Variants in PECAM1 observed in about 807,000 individuals in gnomAD.
PECAM1 encodes platelet and endothelial cell adhesion molecule 1, also known as platelet endothelial cell adhesion molecule.
PECAM1 carries 8 observed loss-of-function variants against 13.8 expected under a neutral mutation model. The observed-to-expected ratio is 0.58, with a 90% CI of 0.34 to 1.05. The LOEUF (loss-of-function observed/expected upper bound fraction) is 1.05. Among genes scored for constraint, PECAM1 ranks in the 50% least tolerant of loss-of-function variants. The pLI, the probability that PECAM1 is intolerant of heterozygous loss-of-function variation, is 0.03. For synonymous variants in PECAM1, 136 were observed against 52.6 expected (o/e 2.58, Z -6.86); for missense variants, 304 against 141.2 (o/e 2.15, Z -5.84).
chr17:64,377,185 G>A (rs1328402753), intron 3 of PECAM1, among the ~76,000 whole-genome samples: 1 of 152,122 alleles, frequency 6.6e-6, no homozygotes, highest in Non-Finnish European at 1.5e-5. Context: ...ACTGCAGAAC[G>A]AGGTGTCTTA....
intron 12 of PECAM1, among the ~76,000 whole-genome samples, chr17:64,349,058 C>T (rs2035651267): frequency 6.6e-6 from 1 of 152,148 alleles, no homozygotes; most frequent in African/African-American, 2.4e-5. Flanking sequence ...CAGCCACAGG[C>T]AAACAAAGCT....
At chr17:64,342,713 T>C in intron 13 of PECAM1, among the ~76,000 whole-genome samples, 1 of 151,874 alleles carries the variant, frequency 6.6e-6, no homozygotes, top group East Asian at 1.9e-4. Flanking sequence ...TGACCCAGGG[T>C]GTGGCGTATA....
intron 13 of PECAM1, among the ~76,000 whole-genome samples, chr17:64,345,585 C>T (rs949654214): frequency 9.2e-5 from 14 of 151,640 alleles, no homozygotes; most frequent in African/African-American, 2.4e-4. Context: ...TGGTGGTGGG[C>T]GCCTGTAACC....
intron 15 of PECAM1, among the ~76,000 whole-genome samples, chr17:64,325,257 G>A (rs536095151): frequency 1.2e-4 from 18 of 152,214 alleles, no homozygotes; most frequent in African/African-American, 2.9e-4. Flanking sequence ...GCGTGGTGGC[G>A]TGTGCCTGTA....
intron 7 of PECAM1, among the ~76,000 whole-genome samples, chr17:64,357,644 C>A (rs2035875372): frequency 6.6e-6 from 1 of 152,198 alleles, no homozygotes; most frequent in African/African-American, 2.4e-5. Context: ...CCCAGTCCCA[C>A]CACCCACCAG....
chr17:64,321,057 A>G lies in PECAM1; in HGVS notation c.*2759T>C, dbSNP rs1198437277. ...CCTAAGCGTCACTTCGCCTGTCTTG[A>G]GTCTAGGTCGGGGAGTGGGTTCAGT... On this transcript the variant is annotated 3_prime_UTR_variant, in exon 16 of 16. Coordinates refer to ENST00000563924, the MANE Select transcript of PECAM1 (RefSeq NM_000442.5). 6.6e-6 allele frequency: 1 copy of G among 152,164 alleles called. No homozygotes were observed. Among genetic ancestry groups the G allele is most frequent in the African/African-American group, 2.4e-5 (1 of 41,442 alleles). 9.4% of individuals were successfully genotyped at this position (152,164 alleles called of 1,614,324 possible).
At chr17:64,333,083 G>A (rs1322023967) in intron 14 of PECAM1, among the ~76,000 whole-genome samples, 1 of 152,208 alleles carries the variant, frequency 6.6e-6, no homozygotes, top group Non-Finnish European at 1.5e-5. Context: ...GACCCAGGAG[G>A]CGATTGTTGC....
At chr17:64,345,367 G>A (rs2035537427) in intron 13 of PECAM1, among the ~76,000 whole-genome samples, 1 of 152,072 alleles carries the variant, frequency 6.6e-6, no homozygotes, top group South Asian at 2.1e-4. Flanking sequence ...TGCCTGCGTA[G>A]GGCCTTAATC....
chr17:64,347,149 G>A (rs1031825814), intron 13 of PECAM1, among the ~76,000 whole-genome samples: 14 of 151,998 alleles, frequency 9.2e-5, no homozygotes, highest in African/African-American at 2.7e-4. Context: ...TGGGCAGATT[G>A]CTTGAGCCCG....
Position 64,377,958 on chromosome 17 carries a change from T to C in PECAM1, c.251A>G (p.Asn84Ser). Residue 84 changes from asparagine (N) to serine (S), a missense_variant, in exon 3 of 16, where the codon AAC becomes AGC. Transcript: ENST00000563924. ...CTCTGTGCTCTTCATGGAGGAGATG[T>C]TGTAAAACAGCACGTCATCCTTATA... ...LFYKDDVLFY[N>S]ISSMKSTESY... The C allele has an allele frequency of 4.2e-6, 2 of 475,370 alleles. No homozygotes were observed. The highest frequency in any genetic ancestry group is 7.7e-6 in the Non-Finnish European group (2 of 259,040). 29.4% of individuals were successfully genotyped at this position (475,370 alleles called of 1,614,324 possible).
intron 4 of PECAM1, among the ~76,000 whole-genome samples, chr17:64,372,932 T>TGGAGAAA (rs2036273890): frequency 6.6e-6 from 1 of 150,896 alleles, no homozygotes; most frequent in African/African-American, 2.4e-5. Flanking sequence ...CTGACCAACA[T>TGGAGAAA]GGAGAAACCC....
rs1379209767 is a variant in PECAM1 at position 64,348,070 on chromosome 17, C to T, written c.2107+190G>A. ...TTTAAATTATTGAAATTTTACAGCT[C>T]AGAGACAGGGCCAGGGCCAGGGGCC... On this transcript the variant is annotated intron_variant, in intron 13 of 15. Transcript: ENST00000563924. 1.2e-4 allele frequency among the ~76,000 whole-genome samples: 19 copies of T among 152,174 alleles called. No individual in the cohort carries two copies. In the East Asian group the frequency reaches 3.7e-3, roughly 29 times the overall value.
chr17:64,383,095 G>A (rs899679328), intron 2 of PECAM1, among the ~76,000 whole-genome samples: 8 of 152,180 alleles, frequency 5.3e-5, no homozygotes, highest in Middle Eastern at 3.4e-3. Flanking sequence ...AATTTAAAGC[G>A]ACTTCTCCAG....
intron 13 of PECAM1, among the ~76,000 whole-genome samples, chr17:64,346,311 G>A (rs8064990): frequency 0.07 from 10,682 of 152,014 alleles, 1,258 homozygotes; most frequent in African/African-American, 0.24. Context: ...ATCTGGGTTC[G>A]CAAAGGAGGA....
chr17:64,385,454 T>C (rs1188809323), intron 2 of PECAM1, among the ~76,000 whole-genome samples: 1 of 151,884 alleles, frequency 6.6e-6, no homozygotes, highest in Non-Finnish European at 1.5e-5. Flanking sequence ...GTCAGGAAAA[T>C]TACTGGGAGC....
At chr17:64,371,432 G>A (rs1489766404) in intron 4 of PECAM1, among the ~76,000 whole-genome samples, 2 of 152,200 alleles carry the variant, frequency 1.3e-5, no homozygotes, top group Non-Finnish European at 2.9e-5. Context: ...AGCACTTTGG[G>A]AGGCTGAGGC....
At chr17:64,330,002 C>A (rs1458864062) in intron 14 of PECAM1, among the ~76,000 whole-genome samples, 2 of 152,044 alleles carry the variant, frequency 1.3e-5, no homozygotes, top group East Asian at 3.9e-4. Flanking sequence ...CTTTGTCACT[C>A]AGGCTGGAGT....
intron 12 of PECAM1, among the ~76,000 whole-genome samples, chr17:64,348,905 A>T (rs2035647203): frequency 6.6e-6 from 1 of 152,154 alleles, no homozygotes; most frequent in South Asian, 2.1e-4. Context: ...TGTTACCAGG[A>T]TGTGGAGGGA....
At chr17:64,366,701 A>T (rs2036113723) in intron 5 of PECAM1, among the ~76,000 whole-genome samples, 1 of 151,762 alleles carries the variant, frequency 6.6e-6, no homozygotes, top group Non-Finnish European at 1.5e-5. Context: ...GGAAATCATC[A>T]TTCTCAGTAA....
Sources: gnomAD v4.1 joint callset for allele counts (sites outside exome capture counted in the v4.1 genomes callset) on GRCh38, gnomAD v4.1.1 for gene constraint, MANE v1.5 for transcripts, NCBI Gene and HGNC (gene_info 2026-07-23, HGNC 2026-07-21) for gene names.